MORN4: variants seen among roughly 807,000 people sequenced by gnomAD.
The protein encoded by MORN4 is MORN repeat-containing protein 4.
A neutral mutation model predicts 16.4 loss-of-function variants in MORN4; 8 were observed. The observed-to-expected ratio is 0.49, with a 90% CI of 0.29 to 0.88. The LOEUF is 0.88. MORN4 is among the 40% of genes least tolerant of loss of function. The pLI is 0.09. For synonymous variants in MORN4, 53 were observed against 68.9 expected, an observed-to-expected ratio of 0.77 and a Z score of 1.14; for missense variants, 159 against 182.9, an observed-to-expected ratio of 0.87 and a Z score of 0.75.
At chr10:97,626,597 A>G (rs1363691406) in intron 1 of MORN4, among the ~76,000 whole-genome samples, 2 of 151,068 alleles carry the variant, frequency 1.3e-5, no homozygotes, top group Admixed American at 6.6e-5. Context: ...CTGGGATTTC[A>G]GGTGACCGTC....
In MORN4 at chr10:97,633,325, C is replaced by G. The variant is rs1406676261; in HGVS notation, c.-31+22G>C. ...CGATCACACTCTTTCCCGGCCCCCT[C>G]CCTCCTGCGCCTCCAGCCAACCTGG... is the stretch of plus-strand genomic sequence containing the variant. On this transcript the variant is annotated intron_variant, in intron 1 of 4. Coordinates refer to ENST00000307450, the MANE Select transcript of MORN4 (RefSeq NM_178832.4). The surrounding 1 kb of genome is among the most constrained non-coding windows in gnomAD (Gnocchi z 4.5). 1 of 1,288,950 alleles carries G rather than the reference C, an allele frequency of 7.8e-7. No individual in the cohort carries two copies. The highest frequency in any genetic ancestry group is 1.2e-5 in the South Asian group (1 of 80,958). The allele number at this position is 1,288,950 out of a possible 1,614,324, so 79.8% of individuals were successfully genotyped here. A position where few individuals can be genotyped will look rare whatever the true frequency, so the allele number is the denominator to read the frequency against.
Position 97,615,936 on chromosome 10 carries a change from CA to C in MORN4, c.*326del. 5.4e-6 allele frequency: 1 copy of C among 185,366 alleles called. No homozygotes were observed. The highest frequency in any genetic ancestry group is 6.1e-5 in the Admixed American group (1 of 16,396). 11.5% of individuals were successfully genotyped at this position (185,366 alleles called of 1,614,324 possible). On this transcript the variant is annotated 3_prime_UTR_variant, in exon 5 of 5. Coordinates refer to ENST00000307450, the MANE Select transcript of MORN4 (RefSeq NM_178832.4). Reference sequence around the variant, plus strand: ...CTGTATCACTTGGCAGAAAATGAAGCAGAAGGGTCACAGCAGGCTACACTGG... The same window carrying C: ...CTGTATCACTTGGCAGAAAATGAAGCGAAGGGTCACAGCAGGCTACACTGG...
At chr10:97,622,712 GGAA>G (rs911841197) in intron 1 of MORN4, among the ~76,000 whole-genome samples, 17 of 128,904 alleles carry the variant, frequency 1.3e-4, no homozygotes, top group African/African-American at 5.5e-4. Flanking sequence ...AAAAAAAAAC[GGAA>G]GAAGAAGAAG....
intron 1 of MORN4, among the ~76,000 whole-genome samples, chr10:97,629,110 G>A (rs965234911): frequency 3.3e-5 from 5 of 152,190 alleles, no homozygotes; most frequent in East Asian, 3.9e-4. Context: ...GGTGTGGGCC[G>A]GGCGTGGTGG....
chr10:97,616,542 T>C lies in MORN4; in HGVS notation c.293-131A>G. On this transcript the variant is annotated intron_variant, in intron 4 of 4. Transcript: ENST00000307450. Reference sequence around the variant, plus strand: ...CCCAGCTCTACTCAGGAGTACTCTATTGATGAGTTCAATGGATAGGTGTCA... The same window carrying C: ...CCCAGCTCTACTCAGGAGTACTCTACTGATGAGTTCAATGGATAGGTGTCA... 3.1e-6 allele frequency: 4 copies of C among 1,274,716 alleles called. No homozygotes were observed. The South Asian group carries it at 4.1e-5, about 13-fold the overall frequency. 79.0% of individuals were successfully genotyped at this position (1,274,716 alleles called of 1,614,324 possible).
intron 3 of MORN4, 63 bp from the exon 4 acceptor site, chr10:97,616,850 A>G: frequency 1.7e-6 from 2 of 1,143,054 alleles, no homozygotes; most frequent in Non-Finnish European, 2.7e-6. Context: ...AACGGAGTCG[A>G]GCAGCTGCTG....
rs1254669411 is a variant in MORN4 at position 97,615,535 on chromosome 10, A to G, written c.*728T>C. The G allele has an allele frequency of 6.6e-6, 1 of 152,156 alleles. No homozygotes were observed. The highest frequency in any genetic ancestry group is 1.5e-5 in the Non-Finnish European group (1 of 68,034). The allele number at this position is 152,156 out of a possible 1,614,324, so 9.4% of individuals were successfully genotyped here. ...CAGGAGTTTGAGACCAGCCTGGCCA[A>G]TATGGTGAAACCCCGTCTCTACTAA... On this transcript the variant is annotated 3_prime_UTR_variant, in exon 5 of 5. Transcript: ENST00000307450.
At chr10:97,621,020 C>T (rs2135736991) in intron 1 of MORN4, among the ~76,000 whole-genome samples, 1 of 152,022 alleles carries the variant, frequency 6.6e-6, no homozygotes, top group East Asian at 1.9e-4. Flanking sequence ...ACTCAGGAGG[C>T]TGAGGCAGGA....
chr10:97,623,814 C>A (rs1402388835), intron 1 of MORN4, among the ~76,000 whole-genome samples: 1 of 151,518 alleles, frequency 6.6e-6, no homozygotes, highest in East Asian at 1.9e-4. Context: ...CGGCTGACTG[C>A]AAGCTCTGCC....
intron 1 of MORN4, among the ~76,000 whole-genome samples, chr10:97,623,828 C>G (rs910976370): frequency 6.6e-6 from 1 of 151,860 alleles, no homozygotes; most frequent in African/African-American, 2.4e-5. Flanking sequence ...CTCTGCCTCC[C>G]GGGTTCATGC....
chr10:97,631,038 G>C (rs2041391654), intron 1 of MORN4, among the ~76,000 whole-genome samples: 1 of 152,164 alleles, frequency 6.6e-6, no homozygotes, highest in Non-Finnish European at 1.5e-5. Flanking sequence ...TTTTGGTAGA[G>C]ACAGGGTTTT....
Position 97,617,200 on chromosome 10 carries a change from A to G in MORN4, c.182+8T>C. On this transcript the variant is annotated splice_region_variant and intron_variant, in intron 3 of 4. Transcript: ENST00000307450. ...TTAAGGCTAAGAAAGGAATGACCTC[A>G]TACCCACCTTGAACCATCTGAGAAG... 6.2e-7 allele frequency: 1 copy of G among 1,606,220 alleles called. No individual in the cohort carries two copies. Among genetic ancestry groups the G allele is most frequent in the South Asian group, 1.1e-5 (1 of 90,908 alleles).
upstream of MORN4, among the ~76,000 whole-genome samples, chr10:97,634,049 G>A (rs185858738): frequency 9.7e-4 from 148 of 152,258 alleles, no homozygotes; most frequent in South Asian, 1.9e-3. Flanking sequence ...AGCACTTCGG[G>A]AGGCCGCGGC....
intron 1 of MORN4, 29 bp from the exon 2 acceptor site, chr10:97,619,712 T>C (rs112257825): frequency 6.4e-7 from 1 of 1,565,122 alleles, no homozygotes; most frequent in African/African-American, 1.4e-5. Context: ...GGAGAACCAG[T>C]GTCATGGAAT....
At position 97,614,639 on chromosome 10, in the gene MORN4, A is replaced by T. The variant is rs1211806797; in HGVS notation, c.*1624T>A. The T allele has an allele frequency of 6.6e-6, 1 of 152,636 alleles. No individual in the cohort carries two copies. The highest frequency in any genetic ancestry group is 6.5e-5 in the Admixed American group (1 of 15,280). The allele number at this position is 152,636 out of a possible 1,614,324, so 9.5% of individuals were successfully genotyped here. On this transcript the variant is annotated 3_prime_UTR_variant, in exon 5 of 5. Transcript: ENST00000307450. ...GAATAAATAGAGGCACACGGCTATA[A>T]CTTCCACCACAATCTGCTGTTGAAG...
chr10:97,630,707 G>A (rs2041389027), intron 1 of MORN4, among the ~76,000 whole-genome samples: 1 of 152,238 alleles, frequency 6.6e-6, no homozygotes, highest in Non-Finnish European at 1.5e-5. Flanking sequence ...TTGGGACAGT[G>A]TCTGGATTTT....
chr10:97,619,752 T>C (rs1458303341), intron 1 of MORN4, 69 bp from the exon 2 acceptor site: 19 of 1,269,924 alleles, frequency 1.5e-5, no homozygotes, highest in Middle Eastern at 1.9e-4. Flanking sequence ...AAGGCAATTT[T>C]ATAGATACAT....
At chr10:97,626,788 A>T (rs1389366388) in intron 1 of MORN4, among the ~76,000 whole-genome samples, 2 of 110,068 alleles carry the variant, frequency 1.8e-5, no homozygotes, top group Non-Finnish European at 3.6e-5. Context: ...ACAGAGTTTC[A>T]TTCCTGTGGC....
At chr10:97,622,447 A>G (rs1024710280) in intron 1 of MORN4, among the ~76,000 whole-genome samples, 4 of 152,226 alleles carry the variant, frequency 2.6e-5, no homozygotes, top group African/African-American at 9.6e-5. Flanking sequence ...GCACTTTGGG[A>G]GGCTGAGGCT....
Sources: allele counts gnomAD v4.1 joint callset (sites outside exome capture counted in the v4.1 genomes callset), GRCh38; gene constraint gnomAD v4.1.1; non-coding constraint Gnocchi (gnomAD v3.1); transcripts MANE v1.5; gene names NCBI Gene and HGNC (gene_info 2026-07-23, HGNC 2026-07-21).